Variants in ACCSL observed in about 807,000 individuals in gnomAD.
ACCSL encodes the protein 1-aminocyclopropane-1-carboxylate synthase homolog (inactive) like.
In ACCSL, 55 loss-of-function variants were observed where a neutral mutation model predicts 61.7. The observed-to-expected ratio is 0.89, with a 90% CI of 0.72 to 1.12. The LOEUF is 1.12. Ranked by LOEUF, ACCSL falls within the 50% of genes most tolerant of loss-of-function variation. The pLI is 0.00. For synonymous variants in ACCSL, 258 were observed against 264.3 expected, an observed-to-expected ratio of 0.98 and a Z score of 0.23; for missense variants, 632 against 698.0, an observed-to-expected ratio of 0.91 and a Z score of 1.07.
chr11:43,944,183 C>A, the ACCSL span: 7 of 312,828 alleles, frequency 2.2e-5, no homozygotes, highest in South Asian at 2.0e-4. Flanking sequence ...ATGGAGAGCT[C>A]TCTCCTCCGT....
At chr11:43,947,502 G>A in the ACCSL span, among the ~76,000 whole-genome samples, 98 of 152,232 alleles carry the variant, frequency 6.4e-4, 1 homozygote, top group Admixed American at 1.8e-3. Context: ...CCAGATATTA[G>A]AAGAGGAGGG....
chr11:43,943,785 G>C, the ACCSL span: 10 of 1,303,894 alleles, frequency 7.7e-6, no homozygotes, highest in Admixed American at 2.3e-4. The surrounding 1 kb of genome is among the most constrained non-coding windows in gnomAD (Gnocchi z 4.8). Flanking sequence ...TTTTTGCATT[G>C]CGATGGCTGA....
chr11:43,989,579 T>C, the ACCSL span, among the ~76,000 whole-genome samples: 1 of 152,172 alleles, frequency 6.6e-6, no homozygotes, highest in African/African-American at 2.4e-5. Context: ...CTTCCCTTCC[T>C]CGTGGTCTGG....
chr11:43,922,443 C>T, the ACCSL span, among the ~76,000 whole-genome samples: 2 of 152,224 alleles, frequency 1.3e-5, no homozygotes, highest in African/African-American at 2.4e-5. Flanking sequence ...TCACAGCTGA[C>T]CACAGGCCAC....
chr11:44,005,518 T>C, the ACCSL span, among the ~76,000 whole-genome samples: 2 of 152,104 alleles, frequency 1.3e-5, no homozygotes, highest in Non-Finnish European at 2.9e-5. Flanking sequence ...GAGGCAGCGC[T>C]GAGGGAGGGA....
chr11:44,031,151 A>G, the ACCSL span, among the ~76,000 whole-genome samples: 1 of 152,132 alleles, frequency 6.6e-6, no homozygotes, highest in Non-Finnish European at 1.5e-5. Flanking sequence ...GAATGGTACT[A>G]CTTGGCTTGT....
chr11:43,976,987 C>G, the ACCSL span, among the ~76,000 whole-genome samples: 1 of 152,132 alleles, frequency 6.6e-6, no homozygotes, highest in Non-Finnish European at 1.5e-5. Context: ...CCTTCTGATC[C>G]CATTAGGACC....
At chr11:44,057,438 C>A (rs767659369) in intron 11 of ACCSL, among the ~76,000 whole-genome samples, 20 of 152,206 alleles carry the variant, frequency 1.3e-4, no homozygotes, top group Non-Finnish European at 4.4e-5. Context: ...AAACCAGATC[C>A]CAGCCCCTTG....
the ACCSL span, among the ~76,000 whole-genome samples, chr11:44,030,140 C>T: frequency 7.5e-6 from 1 of 134,172 alleles, no homozygotes; most frequent in Admixed American, 8.3e-5. Context: ...TGACCTGCCT[C>T]TCTCTTCCTG....
At chr11:43,933,141 C>T in the ACCSL span, 1 of 456,206 alleles carries the variant, frequency 2.2e-6, no homozygotes, top group Non-Finnish European at 4.4e-6. Context: ...AACCTTGGAG[C>T]ATAAGGTAAG....
chr11:43,982,391 C>A, the ACCSL span, among the ~76,000 whole-genome samples: 4 of 151,898 alleles, frequency 2.6e-5, no homozygotes, highest in Non-Finnish European at 4.4e-5. Flanking sequence ...CCATGCCCGG[C>A]TAATTTTTGT....
At chr11:43,994,883 C>T in the ACCSL span, 1 of 152,156 alleles carries the variant, frequency 6.6e-6, no homozygotes, top group Non-Finnish European at 1.5e-5. Context: ...GATCACCTGC[C>T]TCGGCCTCGC....
At chr11:43,958,494 T>A in the ACCSL span, among the ~76,000 whole-genome samples, 1 of 152,172 alleles carries the variant, frequency 6.6e-6, no homozygotes, top group Non-Finnish European at 1.5e-5. Context: ...GGAGACTGAT[T>A]TGAGAGGTGA....
At chr11:43,981,992 T>C in the ACCSL span, among the ~76,000 whole-genome samples, 1 of 152,184 alleles carries the variant, frequency 6.6e-6, no homozygotes, top group African/African-American at 2.4e-5. Flanking sequence ...GTTGAGTAGC[T>C]AGAGTCCGTT....
the ACCSL span, among the ~76,000 whole-genome samples, chr11:44,021,162 A>G: frequency 3.5e-3 from 528 of 152,240 alleles, 2 homozygotes; most frequent in African/African-American, 0.012. Flanking sequence ...ATCAAATGGT[A>G]GCTCTAGTTT....
At chr11:44,020,241 C>T in the ACCSL span, among the ~76,000 whole-genome samples, 47 of 152,200 alleles carry the variant, frequency 3.1e-4, no homozygotes, top group Admixed American at 2.7e-3. Flanking sequence ...CTTCCTTAGG[C>T]TTTTCTATAT....
the ACCSL span, among the ~76,000 whole-genome samples, chr11:43,952,323 T>G: frequency 1.1e-4 from 17 of 152,300 alleles, no homozygotes; most frequent in South Asian, 4.1e-4. Context: ...GAACGTGCAG[T>G]ATTTGGTTTT....
chr11:44,052,893 C>A, intron 6 of ACCSL, 98 bp from the exon 7 acceptor site: 2 of 1,454,120 alleles, frequency 1.4e-6, no homozygotes, highest in Non-Finnish European at 1.9e-6. Flanking sequence ...TGTGGACTGG[C>A]ACTCTGGTAT....
the ACCSL span, among the ~76,000 whole-genome samples, chr11:43,949,024 A>G: frequency 6.6e-6 from 1 of 152,194 alleles, no homozygotes; most frequent in East Asian, 1.9e-4. Context: ...AAGCTGTTTG[A>G]GCCTGCAGCA....
Sources: allele counts gnomAD v4.1 joint callset (sites outside exome capture counted in the v4.1 genomes callset), GRCh38; gene constraint gnomAD v4.1.1; non-coding constraint Gnocchi (gnomAD v3.1); transcripts MANE v1.5; gene names NCBI Gene and HGNC (gene_info 2026-07-23, HGNC 2026-07-21).